The following COL28A1 variants were observed in gnomAD, a reference collection of about 807,000 sequenced individuals.
COL28A1 encodes collagen type XXVIII alpha 1 chain.
A neutral mutation model predicts 150.2 loss-of-function variants in COL28A1; 161 were observed. That is an observed-to-expected ratio of 1.07 (90% confidence interval 0.94 to 1.22). The LOEUF is 1.22. Among genes scored for constraint, COL28A1 ranks in the 50% most tolerant of loss-of-function variants. The pLI is 0.00. For synonymous variants in COL28A1, 552 were observed against 469.7 expected (o/e 1.18, Z -2.26); for missense variants, 1,617 against 1,388.3 (o/e 1.16, Z -2.62).
intron 19 of COL28A1, among the ~76,000 whole-genome samples, chr7:7,444,160 T>A (rs1417782684): frequency 2.0e-5 from 3 of 152,054 alleles, no homozygotes; most frequent in African/African-American, 7.2e-5. Flanking sequence ...ATTAATGTGC[T>A]TTCTAGAAAT....
At chr7:7,355,018 G>A (rs2128275514), downstream of COL28A1, among the ~76,000 whole-genome samples, 1 of 152,266 alleles carries the variant, frequency 6.6e-6, no homozygotes, top group African/African-American at 2.4e-5. Context: ...CTGACAGGCT[G>A]AGCGGAATAA....
chr7:7,455,346 C>T (rs1253624513), intron 16 of COL28A1, among the ~76,000 whole-genome samples: 5 of 152,178 alleles, frequency 3.3e-5, no homozygotes, highest in African/African-American at 9.6e-5. Flanking sequence ...TGGTAAACAA[C>T]AGTAGAGAGT....
intron 27 of COL28A1, among the ~76,000 whole-genome samples, chr7:7,392,993 A>T (rs909763910): frequency 3.3e-5 from 5 of 152,142 alleles, no homozygotes; most frequent in African/African-American, 1.2e-4. Context: ...CGTTAAATTC[A>T]TTCTCGATCA....
At chr7:7,478,660 G>A (rs530179526) in intron 13 of COL28A1, among the ~76,000 whole-genome samples, 1 of 152,366 alleles carries the variant, frequency 6.6e-6, no homozygotes, top group Non-Finnish European at 1.5e-5. Context: ...ACTCAGGCAT[G>A]GCAGTCTGCA....
rs765572467 is a variant in COL28A1, at chr7:7,370,839, A to G, written c.2952T>C (p.Phe984=). Residue 984 remains phenylalanine, a synonymous_variant, in exon 33 of 35, where the codon TTT becomes TTC. Coordinates refer to ENST00000399429, the MANE Select transcript of COL28A1 (RefSeq NM_001037763.3). ...CAAAAATTTGAACGAGATAGGAATC[A>G]AAATCCTCACAAATTTTTTGAAACA... is the stretch of plus-strand genomic sequence containing the variant. ...QKLFQKICED[F]DSYLVQIFGS... The G allele has an allele frequency of 6.2e-7, 1 of 1,612,916 alleles. No individual in the cohort carries two copies. Among genetic ancestry groups the G allele is most frequent in the Non-Finnish European group, 8.5e-7 (1 of 1,179,444 alleles).
intron 26 of COL28A1, 25 bp downstream of exon 26, chr7:7,419,860 A>G: frequency 6.6e-7 from 1 of 1,509,458 alleles, no homozygotes; most frequent in South Asian, 1.3e-5. Flanking sequence ...TGACCCTCAC[A>G]CAAAGCACTG....
chr7:7,463,285 A>C (rs1331043055), intron 15 of COL28A1, among the ~76,000 whole-genome samples: 1 of 152,214 alleles, frequency 6.6e-6, no homozygotes, highest in Non-Finnish European at 1.5e-5. Flanking sequence ...TGTGAGGCAA[A>C]AACACCTCAC....
At position 7,450,527 on chromosome 7, in the gene COL28A1, A is replaced by G. The variant is rs148861612; in HGVS notation, c.1509+1792T>C. Among the ~76,000 whole-genome samples, 975 of 152,314 alleles carry G rather than the reference A, an allele frequency of 6.4e-3. 7 individuals carry two copies. The highest frequency in any genetic ancestry group is 0.024 in the Middle Eastern group (7 of 294). Reference sequence around the variant, plus strand: ...TAAGATATATTTGTACACACTTCATATTTGCACAGATTTAGAGAAAGGAAC... The same window carrying G: ...TAAGATATATTTGTACACACTTCATGTTTGCACAGATTTAGAGAAAGGAAC... On this transcript the variant is annotated intron_variant, in intron 18 of 34. Transcript: ENST00000399429.
At chr7:7,382,647 T>C (rs537609445) in intron 27 of COL28A1, among the ~76,000 whole-genome samples, 1 of 152,164 alleles carries the variant, frequency 6.6e-6, no homozygotes, top group African/African-American at 2.4e-5. Flanking sequence ...TAATTATTAG[T>C]AATGAGTCTC....
intron 27 of COL28A1, among the ~76,000 whole-genome samples, chr7:7,383,108 A>T (rs958874510): frequency 2.0e-5 from 3 of 152,212 alleles, no homozygotes; most frequent in African/African-American, 7.2e-5. Flanking sequence ...AAAATAAAAC[A>T]GATACAATTC....
At chr7:7,390,539 A>G (rs889833706) in intron 27 of COL28A1, among the ~76,000 whole-genome samples, 1 of 152,080 alleles carries the variant, frequency 6.6e-6, no homozygotes, top group Non-Finnish European at 1.5e-5. Context: ...CTCTTTTTCT[A>G]TGGTTTGGAA....
At chr7:7,403,001 T>C (rs1783297837) in intron 27 of COL28A1, among the ~76,000 whole-genome samples, 1 of 152,220 alleles carries the variant, frequency 6.6e-6, no homozygotes, top group South Asian at 2.1e-4. Context: ...ACAAGACATC[T>C]ACTATCTCAC....
At chr7:7,357,254 T>G (rs559719872), downstream of COL28A1, among the ~76,000 whole-genome samples, 64 of 152,252 alleles carry the variant, frequency 4.2e-4, 2 homozygotes, top group South Asian at 0.013. Flanking sequence ...TTTACCATGT[T>G]GGCCAGGCTG....
At chr7:7,361,293 T>C (rs1463813732) in intron 33 of COL28A1, among the ~76,000 whole-genome samples, 1 of 57,664 alleles carries the variant, frequency 1.7e-5, no homozygotes, top group Non-Finnish European at 3.9e-5. Context: ...GAAAGGCATT[T>C]TACTTTTTTT....
the COL28A1 span, among the ~76,000 whole-genome samples, chr7:7,541,542 A>T: frequency 5.3e-5 from 8 of 152,238 alleles, no homozygotes; most frequent in South Asian, 1.7e-3. Context: ...TTTAGTCAGG[A>T]CTCTGCATGG....
intron 27 of COL28A1, among the ~76,000 whole-genome samples, chr7:7,384,146 G>T (rs951421772): frequency 1.3e-5 from 2 of 152,134 alleles, no homozygotes; most frequent in African/African-American, 4.8e-5. Context: ...CTTTACAGGG[G>T]TGAGATTACA....
At position 7,373,510 on chromosome 7, in the gene COL28A1, A is replaced by C; in HGVS notation, c.2396T>G (p.Leu799Arg). 1 of 1,613,800 alleles carries C rather than the reference A, an allele frequency of 6.2e-7. No homozygotes were observed. The highest frequency in any genetic ancestry group is 2.2e-5 in the East Asian group (1 of 44,880). The change falls in exon 32 of 35, where the codon CTG (leucine) becomes CGG (arginine). Residue 799 changes from leucine (L) to arginine (R), a missense_variant. By Grantham distance (102) the Leu-to-Arg change is moderately radical. Coordinates refer to ENST00000399429, the MANE Select transcript of COL28A1 (RefSeq NM_001037763.3). The surrounding 1 kb of genome is among the most constrained non-coding windows in gnomAD (Gnocchi z 4.1). ...GPKCKETPLE[L>R]VFVIDSSESV... ...TTCTGAGCTGTCGATCACAAACACC[A>C]GCTCTAGTGGAGTCTCTTTGCATTT...
At chr7:7,401,025 T>TGTGTGTGTGTAG (rs1783170809) in intron 27 of COL28A1, among the ~76,000 whole-genome samples, 1 of 146,002 alleles carries the variant, frequency 6.8e-6, no homozygotes, top group Non-Finnish European at 1.5e-5. Context: ...TGTGTGTGTG[T>TGTGTGTGTGTAG]ACAGCTCTTG....
chr7:7,419,299 A>T (rs1413071055), intron 26 of COL28A1, among the ~76,000 whole-genome samples: 1 of 152,190 alleles, frequency 6.6e-6, no homozygotes, highest in Non-Finnish European at 1.5e-5. Context: ...ACAACCAAAA[A>T]ATGTCCCTAG....
Sources: allele counts gnomAD v4.1 joint callset (sites outside exome capture counted in the v4.1 genomes callset), GRCh38; gene constraint gnomAD v4.1.1; non-coding constraint Gnocchi (gnomAD v3.1); transcripts MANE v1.5; gene names NCBI Gene and HGNC (gene_info 2026-07-23, HGNC 2026-07-21).